The following IHO1 variants were observed in gnomAD, a reference collection of about 807,000 sequenced individuals.
The protein encoded by IHO1 is interactor of HORMAD1 protein 1.
In IHO1, 13 loss-of-function variants were observed where a neutral mutation model predicts 31.0. The ratio of observed to expected loss-of-function variants is 0.42; its 90% CI spans 0.27 to 0.67. IHO1 has a LOEUF of 0.67. Among genes scored for constraint, IHO1 ranks in the 30% least tolerant of loss-of-function variants. IHO1 has a pLI of 0.24. For missense variants in IHO1, 599 were observed against 687.5 expected (o/e 0.87, Z 1.44); for synonymous variants, 221 against 248.4 (o/e 0.89, Z 1.04).
chr3:49,243,990 T>C (rs2046664391), intron 4 of IHO1, among the ~76,000 whole-genome samples: 2 of 151,314 alleles, frequency 1.3e-5, no homozygotes, highest in Admixed American at 1.3e-4. Flanking sequence ...AGTCTCGCTC[T>C]GTCTCCCAGG....
At chr3:49,215,321 C>CA (rs374355609) in intron 2 of IHO1, among the ~76,000 whole-genome samples, 21 of 152,200 alleles carry the variant, frequency 1.4e-4, no homozygotes, top group African/African-American at 5.1e-4. Flanking sequence ...AAAATGCTGG[C>CA]ATTACAGGCA....
chr3:49,229,484 G>C lies in IHO1; in HGVS notation c.57-7064G>C, dbSNP rs148523107. The stretch of plus-strand genomic sequence containing the variant: ...TTCCCTGGAAAGCAGAGCCAGGAGA[G>C]CGCATAGCACAACTTCTGATTGTGC... On this transcript the variant is annotated intron_variant, in intron 2 of 7. Coordinates refer to ENST00000452691, the MANE Select transcript of IHO1 (RefSeq NM_001135197.2). Among the ~76,000 whole-genome samples, 21 of 152,362 alleles carry C rather than the reference G, an allele frequency of 1.4e-4. No individual in the cohort carries two copies. In the East Asian group the frequency reaches 3.9e-3, roughly 28 times the overall value.
At position 49,231,427 on chromosome 3, in the gene IHO1, A is replaced by G. The variant is rs936926782; in HGVS notation, c.57-5121A>G. ...TTACAGATGGGTCTACAAATGGTAA[A>G]GCTTCTTATTCTGGCTTGAAAGGTA... On this transcript the variant is annotated intron_variant, in intron 2 of 7. Transcript: ENST00000452691. 2.0e-5 allele frequency among the ~76,000 whole-genome samples: 3 copies of G among 152,240 alleles called. No individual in the cohort carries two copies. The East Asian group carries it at 5.8e-4, about 29-fold the overall frequency.
chr3:49,249,775 G>A (rs1476363357), intron 6 of IHO1, among the ~76,000 whole-genome samples: 1 of 152,214 alleles, frequency 6.6e-6, no homozygotes, highest in Non-Finnish European at 1.5e-5. Context: ...AAACTGGGAA[G>A]AGTATCCCTA....
At chr3:49,229,039 T>A (rs1016858876) in intron 2 of IHO1, among the ~76,000 whole-genome samples, 31 of 152,312 alleles carry the variant, frequency 2.0e-4, no homozygotes, top group African/African-American at 7.2e-4. Context: ...GAGTGCTGAT[T>A]GGTGCGTTTT....
chr3:49,242,282 C>G (rs954064248), intron 4 of IHO1, among the ~76,000 whole-genome samples: 2 of 151,160 alleles, frequency 1.3e-5, no homozygotes, highest in Non-Finnish European at 2.9e-5. Flanking sequence ...GAGGCACACA[C>G]AGCTGTGGCC....
intron 2 of IHO1, among the ~76,000 whole-genome samples, chr3:49,214,626 A>ATTTTTTTTT (rs1559439801): frequency 4.8e-5 from 1 of 20,714 alleles, no homozygotes; most frequent in Non-Finnish European, 8.9e-5. Context: ...ATATATATAT[A>ATTTTTTTTT]TATATATTTT....
chr3:49,200,591 T>TCTCCCC (rs957122953), intron 1 of IHO1: 19 of 984,206 alleles, frequency 1.9e-5, no homozygotes, highest in Non-Finnish European at 2.2e-5. Context: ...GGGGCGGTCC[T>TCTCCCC]CTCCCCCTCA....
At chr3:49,215,232 T>G (rs1226814048) in intron 2 of IHO1, among the ~76,000 whole-genome samples, 1 of 151,912 alleles carries the variant, frequency 6.6e-6, no homozygotes, top group South Asian at 2.1e-4. Context: ...TGTTTTTTTG[T>G]AAAGACGAGG....
chr3:49,192,569 G>A, the IHO1 span, among the ~76,000 whole-genome samples: 5 of 152,112 alleles, frequency 3.3e-5, no homozygotes, highest in Non-Finnish European at 7.4e-5. Context: ...TAGTCACCCT[G>A]GAGAGCCCCT....
the IHO1 span, among the ~76,000 whole-genome samples, chr3:49,193,400 C>T: frequency 6.6e-6 from 1 of 151,212 alleles, no homozygotes; most frequent in African/African-American, 2.4e-5. Flanking sequence ...AAACAAAAAC[C>T]GTAAAGATGT....
intron 2 of IHO1, among the ~76,000 whole-genome samples, chr3:49,214,585 A>G (rs564120017): frequency 7.9e-6 from 1 of 125,922 alleles, no homozygotes; most frequent in South Asian, 2.8e-4. Context: ...GGAGTAGTGA[A>G]AAACTATCTT....
chr3:49,204,891 G>A (rs1387020959), intron 1 of IHO1, among the ~76,000 whole-genome samples: 1 of 152,076 alleles, frequency 6.6e-6, no homozygotes, highest in African/African-American at 2.4e-5. Context: ...AGTCGGGCGT[G>A]GTGGCAGGTG....
At chr3:49,219,047 G>A (rs1237349817) in intron 2 of IHO1, among the ~76,000 whole-genome samples, 2 of 152,164 alleles carry the variant, frequency 1.3e-5, no homozygotes, top group African/African-American at 4.8e-5. Context: ...AGAGGCTCAT[G>A]CTTGTAATCC....
chr3:49,231,980 G>A (rs180694219), intron 2 of IHO1, among the ~76,000 whole-genome samples: 6 of 152,266 alleles, frequency 3.9e-5, no homozygotes, highest in African/African-American at 1.4e-4. Context: ...TCCGTCGTTT[G>A]GGAGACTAGC....
intron 1 of IHO1, among the ~76,000 whole-genome samples, chr3:49,206,742 CCT>C (rs1291031674): frequency 2.0e-5 from 3 of 151,986 alleles, no homozygotes; most frequent in Admixed American, 6.6e-5. Flanking sequence ...GGTTCAAATG[CCT>C]CTGACAGGCT....
chr3:49,229,706 A>C (rs1001759349), intron 2 of IHO1, among the ~76,000 whole-genome samples: 2 of 152,238 alleles, frequency 1.3e-5, no homozygotes, highest in Non-Finnish European at 2.9e-5. Context: ...CATGGCCGTC[A>C]ACATGGCCAA....
rs2046820621 is a variant in IHO1 at position 49,256,282 on chromosome 3, C to T, written c.785C>T (p.Ser262Leu). 1.2e-6 allele frequency: 2 copies of T among 1,614,194 alleles called. No individual in the cohort carries two copies. The highest frequency in any genetic ancestry group is 3.3e-5 in the Admixed American group (2 of 59,996). ...CTAGCAGAGCTGAAGAGATTGATCT[C>T]AGTGCCTCCAGTGAAAGACAGTGCT... Reference protein sequence around the residue: ...SVLAELKRLISVPPVKDSASQ... With the variant: ...SVLAELKRLILVPPVKDSASQ... The change falls in exon 8 of 8, where the codon TCA becomes TTA. Residue 262 changes from serine (S) to leucine (L), a missense_variant. By Grantham distance (145) the Ser-to-Leu change is moderately radical. Transcript: ENST00000452691. The surrounding 1 kb of genome is among the most constrained non-coding windows in gnomAD (Gnocchi z 4.6).
intron 6 of IHO1, among the ~76,000 whole-genome samples, chr3:49,249,462 G>C (rs1365829512): frequency 2.0e-5 from 3 of 151,954 alleles, no homozygotes; most frequent in Non-Finnish European, 4.4e-5. Context: ...GTAGAGACAA[G>C]GTTTCACCAT....
Sources: gnomAD v4.1 joint callset for allele counts (sites outside exome capture counted in the v4.1 genomes callset) on GRCh38, gnomAD v4.1.1 for gene constraint, Gnocchi (gnomAD v3.1) non-coding constraint, MANE v1.5 for transcripts, NCBI Gene and HGNC (gene_info 2026-07-23, HGNC 2026-07-21) for gene names.